The following KCNN2 variants were observed in gnomAD, a reference collection of about 807,000 sequenced individuals.
The protein encoded by KCNN2 is small conductance calcium-activated potassium channel protein 2.
In KCNN2, 24 loss-of-function variants were observed where a neutral mutation model predicts 55.5. The observed-to-expected ratio is 0.43, with a 90% CI of 0.31 to 0.61. KCNN2 has a LOEUF of 0.61. KCNN2 is among the 20% of genes least tolerant of loss of function. The pLI, the probability that KCNN2 is intolerant of heterozygous loss-of-function variation, is 0.08. For synonymous variants in KCNN2, 431 were observed against 336.1 expected (o/e 1.28, Z -3.09); for missense variants, 754 against 853.6 (o/e 0.88, Z 1.45).
intron 2 of KCNN2, among the ~76,000 whole-genome samples, chr5:114,302,312 C>T (rs574411413): frequency 6.6e-6 from 1 of 152,264 alleles, no homozygotes; most frequent in East Asian, 1.9e-4. Context: ...GTGGCTAGCA[C>T]AATACAATGA....
intron 1 of KCNN2, among the ~76,000 whole-genome samples, chr5:114,211,049 G>C: frequency 6.6e-6 from 1 of 151,916 alleles, no homozygotes; most frequent in East Asian, 1.9e-4. Context: ...TTATTAAAAA[G>C]TTAAAAAAAA....
At chr5:114,417,451 G>C (rs1026190639) in intron 3 of KCNN2, among the ~76,000 whole-genome samples, 1 of 152,130 alleles carries the variant, frequency 6.6e-6, no homozygotes, top group Non-Finnish European at 1.5e-5. Flanking sequence ...CACTCTGCTA[G>C]GTTTTTTATC....
intron 1 of KCNN2, among the ~76,000 whole-genome samples, chr5:114,213,708 C>T (rs951399563): frequency 4.6e-5 from 7 of 151,796 alleles, no homozygotes; most frequent in Admixed American, 1.3e-4. Flanking sequence ...TTATTATTGC[C>T]GTTGGTCTTG....
intron 2 of KCNN2, among the ~76,000 whole-genome samples, chr5:114,227,174 A>G (rs558078974): frequency 1.5e-4 from 23 of 152,278 alleles, no homozygotes; most frequent in African/African-American, 5.3e-4. Flanking sequence ...TCTTTTAGGC[A>G]GGGACTTTGA....
chr5:114,221,100 A>C (rs1386689808), intron 1 of KCNN2, among the ~76,000 whole-genome samples: 2 of 152,226 alleles, frequency 1.3e-5, no homozygotes, highest in Non-Finnish European at 2.9e-5. Flanking sequence ...TGTGAGACAG[A>C]AAACAGTGCC....
In KCNN2 at chr5:114,432,547, C is replaced by T. The variant is rs370588372; in HGVS notation, c.1637+27691C>T. 2.6e-3 allele frequency among the ~76,000 whole-genome samples: 401 copies of T among 152,314 alleles called. 2 individuals carry two copies. The highest frequency in any genetic ancestry group is 8.8e-3 in the African/African-American group (367 of 41,578). On this transcript the variant is annotated intron_variant, in intron 3 of 7. Coordinates refer to ENST00000673685, the MANE Select transcript of KCNN2 (RefSeq NM_021614.4). ...AGTCCTCACAGCCCTCGCTCGCTCT[C>T]GGCGCCTCCTCTGCCTGGGCTCCCA... is the stretch of plus-strand genomic sequence containing the variant.
At chr5:114,242,820 G>A (rs559412627) in intron 2 of KCNN2, among the ~76,000 whole-genome samples, 1 of 152,274 alleles carries the variant, frequency 6.6e-6, no homozygotes, top group African/African-American at 2.4e-5. Context: ...GTTCATCTTT[G>A]TATTGCTTCC....
rs565862231 is a variant in KCNN2 at position 114,416,189 on chromosome 5, T to C, written c.1637+11333T>C. Reference sequence around the variant, plus strand: ...GCTGCGAAAAATGAAGCCCAGAGAATATCCGTCATTTTTTCACTTAGGATT... The same window carrying C: ...GCTGCGAAAAATGAAGCCCAGAGAACATCCGTCATTTTTTCACTTAGGATT... On this transcript the variant is annotated intron_variant, in intron 3 of 7. Coordinates refer to ENST00000673685, the MANE Select transcript of KCNN2 (RefSeq NM_021614.4). Among the ~76,000 whole-genome samples the C allele has an allele frequency of 2.2e-4, 34 of 152,194 alleles. No individual in the cohort carries two copies. The Middle Eastern group carries it at 0.01, about 46-fold the overall frequency.
intron 2 of KCNN2, among the ~76,000 whole-genome samples, chr5:114,403,763 G>GT (rs1205089218): frequency 1.3e-5 from 2 of 152,028 alleles, no homozygotes; most frequent in African/African-American, 4.8e-5. Context: ...ATTGATTGTG[G>GT]TGTAAGGAAT....
At chr5:114,090,484 A>G (rs892002083) in intron 1 of KCNN2, among the ~76,000 whole-genome samples, 2 of 151,858 alleles carry the variant, frequency 1.3e-5, no homozygotes, top group African/African-American at 2.4e-5. Flanking sequence ...TACAGGAAAG[A>G]CTGAATTCAT....
intron 4 of KCNN2, among the ~76,000 whole-genome samples, chr5:114,468,689 A>T (rs1037100818): frequency 1.3e-5 from 2 of 152,196 alleles, no homozygotes; most frequent in African/African-American, 4.8e-5. Context: ...CTGTAGCAGT[A>T]AAAATTCTGG....
At chr5:114,064,714 G>T (rs1220181336) in intron 1 of KCNN2, among the ~76,000 whole-genome samples, 1 of 152,178 alleles carries the variant, frequency 6.6e-6, no homozygotes, top group Admixed American at 6.5e-5. Flanking sequence ...ACTTCCTGGG[G>T]TAATATAAAG....
At chr5:114,288,753 T>C (rs950067651) in intron 2 of KCNN2, among the ~76,000 whole-genome samples, 1 of 152,202 alleles carries the variant, frequency 6.6e-6, no homozygotes, top group African/African-American at 2.4e-5. Context: ...CTTTATATTC[T>C]AGAGAATAAA....
chr5:114,276,255 G>T (rs955569349), intron 2 of KCNN2, among the ~76,000 whole-genome samples: 1 of 152,014 alleles, frequency 6.6e-6, no homozygotes, highest in Non-Finnish European at 1.5e-5. Flanking sequence ...CCAAATATGT[G>T]GTCAATTTTA....
intron 1 of KCNN2, among the ~76,000 whole-genome samples, chr5:114,208,169 C>G (rs1208890574): frequency 6.6e-6 from 1 of 152,178 alleles, no homozygotes; most frequent in Non-Finnish European, 1.5e-5. Context: ...GACAGAAAGT[C>G]AAGCATATAT....
intron 2 of KCNN2, among the ~76,000 whole-genome samples, chr5:114,376,171 T>C (rs1757934270): frequency 6.6e-6 from 1 of 152,092 alleles, no homozygotes; most frequent in Non-Finnish European, 1.5e-5. Context: ...AGTCTGATGC[T>C]GTGTGTACAG....
chr5:114,066,608 T>C (rs1259693980), intron 1 of KCNN2, among the ~76,000 whole-genome samples: 4 of 152,214 alleles, frequency 2.6e-5, no homozygotes, highest in East Asian at 1.9e-4. Context: ...GAAATCTCGC[T>C]CTGTCTCTGT....
chr5:114,293,674 G>A lies in KCNN2; in HGVS notation c.-184-67271G>A, dbSNP rs193024100. 5.9e-5 allele frequency among the ~76,000 whole-genome samples: 9 copies of A among 152,166 alleles called. No individual in the cohort carries two copies. In the South Asian group the frequency reaches 1.5e-3, roughly 25 times the overall value. On this transcript the variant is annotated intron_variant, in intron 2 of 10. Coordinates refer to the KCNN2 transcript ENST00000512097. ...TTCTCTTTTTTTGTTGTGTCTCTGC[G>A]AGGCTTTGGTATCAGGATGATGCTG...
intron 2 of KCNN2, among the ~76,000 whole-genome samples, chr5:114,286,532 A>G (rs1312157886): frequency 2.0e-5 from 3 of 152,258 alleles, no homozygotes; most frequent in African/African-American, 7.2e-5. Flanking sequence ...CTAATGTTTT[A>G]GTGTAGGCTG....
Sources: allele counts gnomAD v4.1 joint callset (sites outside exome capture counted in the v4.1 genomes callset), GRCh38; gene constraint gnomAD v4.1.1; transcripts MANE v1.5; gene names NCBI Gene and HGNC (gene_info 2026-07-23, HGNC 2026-07-21).